PREPL: variants seen among roughly 807,000 people sequenced by gnomAD.
The protein encoded by PREPL is prolyl endopeptidase like.
A neutral mutation model predicts 70.6 loss-of-function variants in PREPL; 77 were observed. The ratio of observed to expected loss-of-function variants is 1.09; its 90% CI spans 0.91 to 1.32. The LOEUF (loss-of-function observed/expected upper bound fraction) is 1.32, where lower values mean the gene tolerates loss of function less well. Among genes scored for constraint, PREPL ranks in the 40% most tolerant of loss-of-function variants. The pLI is 0.00. For synonymous variants in PREPL, 315 were observed against 264.8 expected, an observed-to-expected ratio of 1.19 and a Z score of -1.84; for missense variants, 1,002 against 778.2, an observed-to-expected ratio of 1.29 and a Z score of -3.42.
At chr2:44,353,284 A>G (rs1676646388) in intron 1 of PREPL, among the ~76,000 whole-genome samples, 1 of 151,320 alleles carries the variant, frequency 6.6e-6, no homozygotes, top group Non-Finnish European at 1.5e-5. Context: ...ACGCTTCCTG[A>G]TTTTAAGACT....
chr2:44,338,494 C>T lies in PREPL; in HGVS notation c.745G>A (p.Asp249Asn). Residue 249 changes from aspartate to asparagine, a missense_variant, in exon 7 of 14, where the codon GAT (aspartate) becomes AAT (asparagine). Transcript: ENST00000409411. Reference protein sequence around the residue: ...AADTPAIMNWDLFFTMKRNTK... With the variant: ...AADTPAIMNWNLFFTMKRNTK... The stretch of plus-strand genomic sequence containing the variant: ...TTTCTCTTCATTGTAAAAAATAAAT[C>T]CCAATTCATAATTGCAGGGGTATCA... 6.2e-7 allele frequency: 1 copy of T among 1,612,628 alleles called. No individual in the cohort carries two copies. Among genetic ancestry groups the T allele is most frequent in the Non-Finnish European group, 8.5e-7 (1 of 1,179,610 alleles).
intron 1 of PREPL, among the ~76,000 whole-genome samples, chr2:44,354,096 C>T (rs1676749278): frequency 6.6e-6 from 1 of 152,078 alleles, no homozygotes; most frequent in Admixed American, 6.5e-5. Context: ...GTTGAGGCTG[C>T]AGTAAGCCAT....
In PREPL at chr2:44,321,871, T is replaced by A. The variant is rs200605467; in HGVS notation, c.1783A>T (p.Ile595Phe). Residue 595 changes from isoleucine (I) to phenylalanine (F), a missense_variant, in exon 13 of 14, where the codon ATT (isoleucine) becomes TTT (phenylalanine). Coordinates refer to ENST00000409411, the MANE Select transcript of PREPL (RefSeq NM_001171613.2). ...GYQTPNIILD[I>F]QPGGNHVIED... ...ATTACATGATTGCCTCCAGGCTGAATATCTAGAATAATATTAGGGGTCTGA... is the reference window on the plus strand; with the variant it reads ...ATTACATGATTGCCTCCAGGCTGAAAATCTAGAATAATATTAGGGGTCTGA... 1.2e-5 allele frequency: 19 copies of A among 1,613,666 alleles called. No homozygotes were observed. In the African/African-American group the frequency reaches 1.6e-4, roughly 14 times the overall value.
chr2:44,338,334 C>G lies in PREPL; in HGVS notation c.888+17G>C. 1.3e-6 allele frequency: 2 copies of G among 1,594,546 alleles called. No individual in the cohort carries two copies. The highest frequency in any genetic ancestry group is 1.7e-6 in the Non-Finnish European group (2 of 1,171,508). On this transcript the variant is annotated intron_variant, in intron 7 of 13. Transcript: ENST00000409411. ...ATATTTTGATTAACAGTATTAACTT[C>G]TGAAAATTAAACATACCTTTAGAGA...
chr2:44,334,101 T>C (rs569306883), intron 7 of PREPL, among the ~76,000 whole-genome samples: 5 of 152,256 alleles, frequency 3.3e-5, no homozygotes, highest in South Asian at 4.1e-4. Context: ...TATGGACTTT[T>C]AGAAGTTCAT....
chr2:44,346,209 C>A (rs1228373781), intron 2 of PREPL, 59 bp downstream of exon 2: 20 of 1,471,744 alleles, frequency 1.4e-5, no homozygotes, highest in Non-Finnish European at 1.8e-5. Context: ...CCAAGTATCT[C>A]ATTTGCATCT....
chr2:44,357,327 G>C (rs572842930), intron 1 of PREPL, among the ~76,000 whole-genome samples: 1 of 152,230 alleles, frequency 6.6e-6, no homozygotes, highest in Non-Finnish European at 1.5e-5. Flanking sequence ...AAAGTGGACA[G>C]AGTTGGAAAT....
intron 12 of PREPL, 35 bp downstream of exon 12, chr2:44,322,696 T>C (rs372543126): frequency 3.2e-5 from 52 of 1,602,588 alleles, no homozygotes; most frequent in Non-Finnish European, 4.1e-5. Flanking sequence ...AGTAGTCTGT[T>C]TGGCCATGTT....
chr2:44,341,923 C>A (rs894627750), intron 5 of PREPL, among the ~76,000 whole-genome samples: 1 of 151,904 alleles, frequency 6.6e-6, no homozygotes, highest in African/African-American at 2.4e-5. Flanking sequence ...ACTTTAAATT[C>A]TTCTATATAT....
At chr2:44,331,502 G>A (rs1265026141) in intron 8 of PREPL, among the ~76,000 whole-genome samples, 1 of 151,968 alleles carries the variant, frequency 6.6e-6, no homozygotes, top group Admixed American at 6.6e-5. Context: ...CACTGTGCCC[G>A]GCCAGCCCTA....
chr2:44,355,751 T>TTTTA (rs1396309969), intron 1 of PREPL, among the ~76,000 whole-genome samples: 2 of 141,362 alleles, frequency 1.4e-5, no homozygotes, highest in African/African-American at 5.3e-5. Flanking sequence ...AAACTACATA[T>TTTTA]TATATATATA....
In PREPL at chr2:44,346,432, G is replaced by C. The variant is rs201444052; in HGVS notation, c.-48-42C>G. On this transcript the variant is annotated intron_variant, in intron 1 of 13. Transcript: ENST00000409411. Reference sequence around the variant, plus strand: ...TATGATCAAAATATTTCAAACTAGGGAAAAAAAACTTTTGCTTTTTAAAGA... The same window carrying C: ...TATGATCAAAATATTTCAAACTAGGCAAAAAAAACTTTTGCTTTTTAAAGA... 7.3e-4 allele frequency: 1,155 copies of C among 1,587,314 alleles called. 3 individuals carry two copies. In the African/African-American group the frequency reaches 0.014, roughly 19 times the overall value.
At chr2:44,341,044 G>C (rs1044678889) in intron 5 of PREPL, among the ~76,000 whole-genome samples, 20 of 151,776 alleles carry the variant, frequency 1.3e-4, no homozygotes, top group African/African-American at 4.8e-4. Flanking sequence ...TTTGACTTGA[G>C]TTTAATATTT....
intron 1 of PREPL, among the ~76,000 whole-genome samples, chr2:44,350,556 G>T (rs1337115319): frequency 6.6e-6 from 1 of 152,128 alleles, no homozygotes; most frequent in Non-Finnish European, 1.5e-5. Context: ...ACACCAATGA[G>T]ATTTCCAAAA....
In PREPL at chr2:44,321,036, T is replaced by A; in HGVS notation, c.*320A>T. ...CTAGCAAAGAGGCAGGACACTAATT[T>A]GTAAACTGCTCAACTGTTCTGACTG... On this transcript the variant is annotated 3_prime_UTR_variant, in exon 14 of 14. Coordinates refer to ENST00000409411, the MANE Select transcript of PREPL (RefSeq NM_001171613.2). 1 of 395,046 alleles carries A rather than the reference T, an allele frequency of 2.5e-6. No individual in the cohort carries two copies. The highest frequency in any genetic ancestry group is 2.8e-5 in the South Asian group (1 of 35,092). The allele number at this position is 395,046 out of a possible 1,614,324, so 24.5% of individuals were successfully genotyped here.
chr2:44,322,970 T>G, intron 11 of PREPL, 116 bp from the exon 12 acceptor site: 10 of 1,368,174 alleles, frequency 7.3e-6, no homozygotes, highest in Non-Finnish European at 9.9e-6. Context: ...CTATGCTTTT[T>G]CTCACTTGCT....
At chr2:44,350,837 T>C (rs1676340627) in intron 1 of PREPL, among the ~76,000 whole-genome samples, 1 of 152,152 alleles carries the variant, frequency 6.6e-6, no homozygotes, top group Admixed American at 6.6e-5. Context: ...ATACAATTGA[T>C]CACTTCCTCC....
chr2:44,349,740 G>C lies in PREPL; in HGVS notation c.-48-3350C>G, dbSNP rs189047589. 3.6e-3 allele frequency among the ~76,000 whole-genome samples: 554 copies of C among 152,216 alleles called. 2 individuals carry two copies. Among genetic ancestry groups the C allele is most frequent in the Middle Eastern group, 0.01 (3 of 294 alleles). On this transcript the variant is annotated intron_variant, in intron 1 of 13. Transcript: ENST00000409411. ...GGCACTTCGGGAGGCCAAGGCGGGT[G>C]GATCACGAGGTCAAGAAAAAAGAAT... is the stretch of plus-strand genomic sequence containing the variant.
chr2:44,318,095 G>GTTTTT lies in PREPL; in HGVS notation c.*3256_*3260dup. 3 of 396,496 alleles carry GTTTTT rather than the reference G, an allele frequency of 7.6e-6. No individual in the cohort carries two copies. The highest frequency in any genetic ancestry group is 8.2e-5 in the East Asian group (1 of 12,226). 24.6% of individuals were successfully genotyped at this position (396,496 alleles called of 1,614,324 possible). ...ATAATACTTAAAGGATCTCAACACT[G>GTTTTT]TTTTTTTTTTTTTTTGAGACAGTCT... On this transcript the variant is annotated 3_prime_UTR_variant, in exon 14 of 14. Transcript: ENST00000409411.
Sources: allele counts gnomAD v4.1 joint callset (sites outside exome capture counted in the v4.1 genomes callset), GRCh38; gene constraint gnomAD v4.1.1; transcripts MANE v1.5; gene names NCBI Gene and HGNC (gene_info 2026-07-23, HGNC 2026-07-21).